HHIPL1: variants seen among roughly 807,000 people sequenced by gnomAD.
The protein encoded by HHIPL1 is HHIP like 1.
HHIPL1 carries 43 observed loss-of-function variants against 61.8 expected under a neutral mutation model. The ratio of observed to expected loss-of-function variants is 0.70; its 90% CI spans 0.55 to 0.90. The LOEUF (loss-of-function observed/expected upper bound fraction) is 0.90, where lower values mean the gene tolerates loss of function less well. Ranked by LOEUF, HHIPL1 falls within the 40% of genes least tolerant of loss-of-function variation. The pLI is 0.00. For synonymous variants in HHIPL1, 482 were observed against 515.8 expected, an observed-to-expected ratio of 0.93 and a Z score of 0.89; for missense variants, 1,056 against 1,157.7, an observed-to-expected ratio of 0.91 and a Z score of 1.28.
the HHIPL1 span, among the ~76,000 whole-genome samples, chr14:99,621,264 A>G: frequency 6.6e-6 from 1 of 151,952 alleles, no homozygotes; most frequent in South Asian, 2.1e-4. Context: ...ATGCCTGGCT[A>G]ATTTTTGTAT....
Position 99,657,097 on chromosome 14 carries a change from G to T in HHIPL1, c.1000G>T (p.Gly334Trp), listed in dbSNP as rs144827737. Residue 334 changes from glycine (G) to tryptophan (W), a missense_variant, in exon 3 of 9, where the codon GGG becomes TGG. Coordinates refer to ENST00000330710, the MANE Select transcript of HHIPL1 (RefSeq NM_001127258.3). Reference sequence around the variant, plus strand: ...CCTCTACATCTTCACTGGAGATGGCGGGATGGCCGGAGACCCCTTTGGGAC... The same window carrying T: ...CCTCTACATCTTCACTGGAGATGGCTGGATGGCCGGAGACCCCTTTGGGAC... ...GYLYIFTGDG[G>W]MAGDPFGTFG... 2.5e-6 allele frequency: 4 copies of T among 1,613,386 alleles called. No individual in the cohort carries two copies. The African/African-American group carries it at 5.3e-5, about 22-fold the overall frequency.
At chr14:99,657,616 C>T (rs1330251968) in intron 3 of HHIPL1, among the ~76,000 whole-genome samples, 4 of 152,116 alleles carry the variant, frequency 2.6e-5, no homozygotes, top group South Asian at 2.1e-4. Context: ...CAGATGTTAA[C>T]GTGTAGTCTT....
intron 7 of HHIPL1, among the ~76,000 whole-genome samples, chr14:99,671,069 G>A (rs191294368): frequency 6.6e-6 from 1 of 152,154 alleles, no homozygotes; most frequent in Non-Finnish European, 1.5e-5. Context: ...GCCAGAAGTG[G>A]GCTAGATTCC....
At position 99,652,399 on chromosome 14, in the gene HHIPL1, G is replaced by T; in HGVS notation, c.431G>T (p.Arg144Met). Residue 144 changes from arginine to methionine, a missense_variant, in exon 2 of 9, where the codon AGG becomes ATG. By Grantham distance (91) the Arg-to-Met change is moderately conservative (BLOSUM62 -1). Coordinates refer to ENST00000330710, the MANE Select transcript of HHIPL1 (RefSeq NM_001127258.3). The stretch of plus-strand genomic sequence containing the variant: ...TGGGCGCTGGAGGGCAACCTTGCCA[G>T]GTTCTGCCGCTACCTGTCCCTGGAT... ...ELWALEGNLARFCRYLSLDDT... is the reference protein window; with the variant it reads ...ELWALEGNLAMFCRYLSLDDT... 6.2e-7 allele frequency: 1 copy of T among 1,614,236 alleles called. No homozygotes were observed. Among genetic ancestry groups the T allele is most frequent in the East Asian group, 2.2e-5 (1 of 44,878 alleles).
intron 2 of HHIPL1, among the ~76,000 whole-genome samples, chr14:99,654,261 T>C (rs571358667): frequency 1.0e-4 from 15 of 150,368 alleles, no homozygotes; most frequent in African/African-American, 3.7e-4. Flanking sequence ...GGTTAAAAAC[T>C]GGAGGAAGCT....
the HHIPL1 span, among the ~76,000 whole-genome samples, chr14:99,620,440 T>G: frequency 3.2e-4 from 48 of 152,168 alleles, no homozygotes; most frequent in Non-Finnish European, 6.2e-4. Flanking sequence ...TTTTTCTCGC[T>G]CCCCATCCCA....
In HHIPL1 at chr14:99,645,375, G is replaced by A. The variant is rs2055814248; in HGVS notation, c.168G>A (p.Leu56=). ...GCGATGAGGGGCGCGACGCCGAGCTGACCCGCCGCTTCTGGGCCCTGGCGA... is the reference window on the plus strand; with the variant it reads ...GCGATGAGGGGCGCGACGCCGAGCTAACCCGCCGCTTCTGGGCCCTGGCGA... The part of the protein sequence containing the change: ...GCCDEGRDAE[L]TRRFWALASR... The change falls in exon 1 of 9, where the codon CTG becomes CTA. Residue 56 remains leucine, a synonymous_variant. Transcript: ENST00000330710. 2 of 1,438,674 alleles carry A rather than the reference G, an allele frequency of 1.4e-6. No individual in the cohort carries two copies. The highest frequency in any genetic ancestry group is 1.8e-6 in the Non-Finnish European group (2 of 1,099,382). The allele number at this position is 1,438,674 out of a possible 1,614,324, so 89.1% of individuals were successfully genotyped here.
the HHIPL1 span, among the ~76,000 whole-genome samples, chr14:99,620,429 C>G: frequency 6.6e-6 from 1 of 152,228 alleles, no homozygotes; most frequent in East Asian, 1.9e-4. Context: ...TGCCCTCCCC[C>G]TTTTTCTCGC....
At chr14:99,659,850 C>CT in intron 4 of HHIPL1, 94 bp downstream of exon 4, 3 of 548,860 alleles carry the variant, frequency 5.5e-6, no homozygotes, top group Non-Finnish European at 5.4e-6. Context: ...GACCGCACCC[C>CT]CCCCCCCCCG....
At chr14:99,633,130 C>G in the HHIPL1 span, among the ~76,000 whole-genome samples, 1 of 152,120 alleles carries the variant, frequency 6.6e-6, no homozygotes, top group African/African-American at 2.4e-5. Flanking sequence ...GGGAAGGCAG[C>G]TGCCATTCAA....
intron 6 of HHIPL1, among the ~76,000 whole-genome samples, chr14:99,664,702 G>A (rs1471289626): frequency 1.3e-5 from 2 of 152,086 alleles, no homozygotes; most frequent in Admixed American, 1.3e-4. Flanking sequence ...TGTGCTCTAG[G>A]GACAGTCCAC....
the HHIPL1 span, among the ~76,000 whole-genome samples, chr14:99,616,189 G>A: frequency 6.6e-6 from 1 of 152,150 alleles, no homozygotes; most frequent in Non-Finnish European, 1.5e-5. Context: ...CAGTTCCTAC[G>A]ATATTCAGTA....
chr14:99,613,754 CA>C, the HHIPL1 span, among the ~76,000 whole-genome samples: 1 of 151,384 alleles, frequency 6.6e-6, no homozygotes, highest in Non-Finnish European at 1.5e-5. Context: ...ACTAAAAATA[CA>C]AAAAAATTAG....
At chr14:99,626,063 G>A in the HHIPL1 span, among the ~76,000 whole-genome samples, 3 of 152,058 alleles carry the variant, frequency 2.0e-5, no homozygotes, top group African/African-American at 7.2e-5. Flanking sequence ...CCAGAGGATC[G>A]GGCGGCCTGA....
chr14:99,669,145 C>T (rs1487849079), intron 7 of HHIPL1: 1 of 1,364,530 alleles, frequency 7.3e-7, no homozygotes, highest in East Asian at 2.7e-5. Context: ...GACTGACTCT[C>T]TCCCAGCTGC....
the HHIPL1 span, among the ~76,000 whole-genome samples, chr14:99,612,815 A>G: frequency 1.3e-5 from 2 of 152,096 alleles, no homozygotes; most frequent in Non-Finnish European, 2.9e-5. Flanking sequence ...CCTCTGGGTC[A>G]GGTACCTCCA....
upstream of HHIPL1, among the ~76,000 whole-genome samples, chr14:99,642,191 C>T (rs192167676): frequency 2.4e-4 from 37 of 152,304 alleles, no homozygotes; most frequent in Admixed American, 9.8e-4. Flanking sequence ...CAGCCCGCCT[C>T]CACCTCCCAA....
At chr14:99,605,427 A>G in the HHIPL1 span, among the ~76,000 whole-genome samples, 1 of 151,966 alleles carries the variant, frequency 6.6e-6, no homozygotes, top group Admixed American at 6.5e-5. Flanking sequence ...ACGAGATCAA[A>G]TCCGCGCACG....
intron 5 of HHIPL1, among the ~76,000 whole-genome samples, chr14:99,662,642 A>G (rs970738983): frequency 6.6e-6 from 1 of 152,150 alleles, no homozygotes; most frequent in African/African-American, 2.4e-5. Context: ...TGAATTCTTA[A>G]TATGTTTTGG....
Sources: gnomAD v4.1 joint callset for allele counts (sites outside exome capture counted in the v4.1 genomes callset) on GRCh38, gnomAD v4.1.1 for gene constraint, MANE v1.5 for transcripts, NCBI Gene and HGNC (gene_info 2026-07-23, HGNC 2026-07-21) for gene names.